Variants in PTPN4 observed in about 807,000 individuals in gnomAD.
PTPN4 encodes the protein tyrosine-protein phosphatase non-receptor type 4.
A neutral mutation model predicts 135.5 loss-of-function variants in PTPN4; 49 were observed. That is an observed-to-expected ratio of 0.36 (90% CI 0.29 to 0.46). PTPN4 has a LOEUF of 0.46. PTPN4 is among the 20% of genes least tolerant of loss of function. PTPN4 has a pLI of 1.00. For synonymous variants in PTPN4, 333 were observed against 369.9 expected (o/e 0.90, Z 1.14); for missense variants, 860 against 1,101.0 (o/e 0.78, Z 3.10).
At chr2:119,821,325 T>C (rs557534005) in intron 2 of PTPN4, among the ~76,000 whole-genome samples, 46 of 152,178 alleles carry the variant, frequency 3.0e-4, no homozygotes, top group Non-Finnish European at 6.0e-4. Context: ...TCTCTTGACC[T>C]CGTGATCTGC....
At chr2:119,880,691 C>G (rs1047493449) in intron 5 of PTPN4, among the ~76,000 whole-genome samples, 1 of 151,684 alleles carries the variant, frequency 6.6e-6, no homozygotes, top group Non-Finnish European at 1.5e-5. Context: ...CTGCCCGCCT[C>G]GGCCTCCCAG....
chr2:119,853,986 G>A (rs966239651), intron 2 of PTPN4, among the ~76,000 whole-genome samples: 30 of 152,130 alleles, frequency 2.0e-4, no homozygotes, highest in Admixed American at 1.2e-3. Context: ...CAGAGGGAGC[G>A]GGGCTCTGAA....
intron 22 of PTPN4, among the ~76,000 whole-genome samples, chr2:119,959,506 A>G (rs1574421965): frequency 6.6e-6 from 1 of 152,230 alleles, no homozygotes; most frequent in East Asian, 1.9e-4. Flanking sequence ...AAAGAGAGGC[A>G]TAAGCTGGAG....
intron 10 of PTPN4, among the ~76,000 whole-genome samples, chr2:119,905,848 C>T (rs1242819025): frequency 6.6e-6 from 1 of 152,060 alleles, no homozygotes; most frequent in Admixed American, 6.6e-5. Flanking sequence ...TTAAACAACA[C>T]TCTCCTGAAA....
intron 2 of PTPN4, among the ~76,000 whole-genome samples, chr2:119,826,892 G>T (rs1338873770): frequency 6.6e-6 from 1 of 152,054 alleles, no homozygotes; most frequent in African/African-American, 2.4e-5. Context: ...AGTCAGGCAT[G>T]GTGGCATGCA....
chr2:119,862,498 C>G, intron 2 of PTPN4, 38 bp from the exon 3 acceptor site: 1 of 1,536,792 alleles, frequency 6.5e-7, no homozygotes. Context: ...TGTAACCTAT[C>G]AAAGTTGATT....
chr2:119,836,886 G>C (rs1003313045), intron 2 of PTPN4, among the ~76,000 whole-genome samples: 7 of 152,228 alleles, frequency 4.6e-5, no homozygotes, highest in East Asian at 1.9e-4. Flanking sequence ...GATGAGCACA[G>C]GAGGGAGGCC....
At chr2:119,785,746 G>T (rs79805432) in intron 1 of PTPN4, among the ~76,000 whole-genome samples, 13,712 of 152,026 alleles carry the variant, frequency 0.09, 742 homozygotes, top group Middle Eastern at 0.18. Flanking sequence ...GTGTGTGTGT[G>T]TCTACGTGTG....
chr2:119,827,551 A>G (rs1677163251), intron 2 of PTPN4, among the ~76,000 whole-genome samples: 1 of 152,214 alleles, frequency 6.6e-6, no homozygotes, highest in Non-Finnish European at 1.5e-5. Flanking sequence ...TTTTATTACA[A>G]GTATAGCATA....
chr2:119,932,020 G>A (rs901700927), intron 13 of PTPN4, among the ~76,000 whole-genome samples: 1 of 152,172 alleles, frequency 6.6e-6, no homozygotes, highest in Non-Finnish European at 1.5e-5. Context: ...GATAATGTGC[G>A]AGGAGTTATT....
intron 3 of PTPN4, among the ~76,000 whole-genome samples, chr2:119,876,557 C>G (rs1180679481): frequency 1.3e-5 from 2 of 151,820 alleles, no homozygotes; most frequent in Non-Finnish European, 2.9e-5. Context: ...CATAAACTTA[C>G]TTGGAAAATA....
chr2:119,789,812 T>C (rs1046543111), intron 1 of PTPN4, among the ~76,000 whole-genome samples: 1 of 151,478 alleles, frequency 6.6e-6, no homozygotes, highest in South Asian at 2.1e-4. Flanking sequence ...AACCTCTGCC[T>C]CCCAGGTTCA....
rs574409887 is a variant in PTPN4 at position 119,946,505 on chromosome 2, T to C, written c.1600-13T>C. ...TAATATTTGACTAACATTTTACTTA[T>C]TCTCTTTTTAAGGGAGGATATGATC... is the stretch of plus-strand genomic sequence containing the variant. On this transcript the variant is annotated splice_polypyrimidine_tract_variant and intron_variant, in intron 17 of 26. Transcript: ENST00000263708. The C allele has an allele frequency of 2.5e-6, 4 of 1,606,152 alleles. No homozygotes were observed. Among genetic ancestry groups the C allele is most frequent in the Middle Eastern group, 1.7e-4 (1 of 6,026 alleles).
At chr2:119,783,181 C>T (rs1422460521) in intron 1 of PTPN4, among the ~76,000 whole-genome samples, 8 of 152,074 alleles carry the variant, frequency 5.3e-5, no homozygotes, top group East Asian at 1.9e-4. Flanking sequence ...GCAGTAAGGA[C>T]GTTTTTCCAT....
At chr2:119,845,449 G>A (rs571018976) in intron 2 of PTPN4, among the ~76,000 whole-genome samples, 15 of 151,970 alleles carry the variant, frequency 9.9e-5, no homozygotes, top group Non-Finnish European at 7.4e-5. Flanking sequence ...GAGTTAATAC[G>A]TGTAGTTTGA....
At chr2:119,808,553 A>G (rs1308177915) in intron 1 of PTPN4, among the ~76,000 whole-genome samples, 1 of 152,154 alleles carries the variant, frequency 6.6e-6, no homozygotes, top group Non-Finnish European at 1.5e-5. Context: ...ACTACAAACC[A>G]CTGCTCAACG....
chr2:119,794,868 A>C (rs1487973278), intron 1 of PTPN4, among the ~76,000 whole-genome samples: 1 of 152,172 alleles, frequency 6.6e-6, no homozygotes, highest in African/African-American at 2.4e-5. Context: ...CAAGACAAAG[A>C]GGAGCTTTAT....
At chr2:119,943,172 C>T (rs1473827407) in intron 15 of PTPN4, among the ~76,000 whole-genome samples, 7 of 152,166 alleles carry the variant, frequency 4.6e-5, no homozygotes, top group Non-Finnish European at 1.5e-5. Flanking sequence ...TCTTTAAGAC[C>T]ATACAATCAC....
rs1488757154 is a variant in PTPN4, at chr2:119,760,237, G to C, written c.-165G>C. On this transcript the variant is annotated 5_prime_UTR_variant, in exon 1 of 27. Coordinates refer to ENST00000263708, the MANE Select transcript of PTPN4 (RefSeq NM_002830.4). Reference sequence around the variant, plus strand: ...CATGAGGTGGTGCTGGCGGCTCCGGGTCGTGGCGCGACCGCTGCGGCGGCG... The same window carrying C: ...CATGAGGTGGTGCTGGCGGCTCCGGCTCGTGGCGCGACCGCTGCGGCGGCG... 1.3e-5 allele frequency: 5 copies of C among 396,590 alleles called. No homozygotes were observed. Among genetic ancestry groups the C allele is most frequent in the Non-Finnish European group, 2.2e-5 (5 of 224,746 alleles). 24.6% of individuals were successfully genotyped at this position (396,590 alleles called of 1,614,324 possible).
Sources: gnomAD v4.1 joint callset for allele counts (sites outside exome capture counted in the v4.1 genomes callset) on GRCh38, gnomAD v4.1.1 for gene constraint, MANE v1.5 for transcripts, NCBI Gene and HGNC (gene_info 2026-07-23, HGNC 2026-07-21) for gene names.